KDM4B: variants seen among roughly 807,000 people sequenced by gnomAD.
The protein encoded by KDM4B is lysine demethylase 4B, also known as lysine-specific demethylase 4B.
KDM4B carries 32 observed loss-of-function variants against 125.2 expected under a neutral mutation model. The ratio of observed to expected loss-of-function variants is 0.26; its 90% CI spans 0.19 to 0.34. The LOEUF (loss-of-function observed/expected upper bound fraction) is 0.34, where lower values mean the gene tolerates loss of function less well. Among genes scored for constraint, KDM4B ranks in the 10% least tolerant of loss-of-function variants. KDM4B has a pLI of 1.00. For synonymous variants in KDM4B, 721 were observed against 677.9 expected, an observed-to-expected ratio of 1.06 and a Z score of -0.99; for missense variants, 1,190 against 1,577.7, an observed-to-expected ratio of 0.75 and a Z score of 4.16.
chr19:5,012,157 G>C (rs2035749133), intron 1 of KDM4B, among the ~76,000 whole-genome samples: 1 of 152,208 alleles, frequency 6.6e-6, no homozygotes, highest in Admixed American at 6.5e-5. Context: ...AGGGTTGACA[G>C]GCTGGGCCCG....
intron 5 of KDM4B, 66 bp downstream of exon 5, chr19:5,041,317 G>C: frequency 8.0e-7 from 1 of 1,247,330 alleles, no homozygotes; most frequent in Middle Eastern, 1.9e-4. Flanking sequence ...GGAGGGCCCT[G>C]AACGGGACTC....
At chr19:5,026,890 A>C (rs1226103187) in intron 2 of KDM4B, among the ~76,000 whole-genome samples, 1 of 152,186 alleles carries the variant, frequency 6.6e-6, no homozygotes, top group African/African-American at 2.4e-5. Context: ...CCCTTTCTGC[A>C]GCATTAGCTA....
intron 1 of KDM4B, among the ~76,000 whole-genome samples, chr19:4,974,292 C>T (rs2034366555): frequency 6.6e-6 from 1 of 151,472 alleles, no homozygotes; most frequent in Non-Finnish European, 1.5e-5. Context: ...GTCCCAGCTA[C>T]TCGGGAGGCT....
chr19:5,078,927 G>A lies in KDM4B; in HGVS notation c.780+1457G>A, dbSNP rs567337767. Reference sequence around the variant, plus strand: ...CAGTGAAGGCCCCTGTCCCACTGCAGCGAACAGCACCCTGTGCCGCCCGGC... The same window carrying A: ...CAGTGAAGGCCCCTGTCCCACTGCAACGAACAGCACCCTGTGCCGCCCGGC... On this transcript the variant is annotated intron_variant, in intron 8 of 22. Transcript: ENST00000159111. The surrounding 1 kb of genome is among the most constrained non-coding windows in gnomAD (Gnocchi z 4.5). 6.6e-6 allele frequency: 1 copy of A among 152,286 alleles called. No individual in the cohort carries two copies. Among genetic ancestry groups the A allele is most frequent in the Admixed American group, 6.5e-5 (1 of 15,292 alleles). 9.4% of individuals were successfully genotyped at this position (152,286 alleles called of 1,614,324 possible).
At chr19:5,132,084 C>T in intron 13 of KDM4B, 77 bp downstream of exon 13, 1 of 1,465,326 alleles carries the variant, frequency 6.8e-7, no homozygotes, top group Non-Finnish European at 9.1e-7. Flanking sequence ...GGGCCTGGCT[C>T]CCCTGCGGCT....
chr19:5,148,845 C>T (rs1007891888), intron 21 of KDM4B, among the ~76,000 whole-genome samples: 5 of 152,220 alleles, frequency 3.3e-5, no homozygotes, highest in African/African-American at 7.2e-5. Flanking sequence ...GGCCTTCTCC[C>T]GGTGGCTTTC....
chr19:4,987,555 T>A (rs574812594), intron 1 of KDM4B, among the ~76,000 whole-genome samples: 1 of 152,222 alleles, frequency 6.6e-6, no homozygotes, highest in Admixed American at 6.5e-5. Context: ...AGATGCTATT[T>A]GTGGTTTATG....
intron 1 of KDM4B, among the ~76,000 whole-genome samples, chr19:4,987,590 C>CTGA (rs1189625772): frequency 1.3e-5 from 2 of 152,114 alleles, no homozygotes; most frequent in African/African-American, 4.8e-5. Flanking sequence ...AGCTGTTAGG[C>CTGA]TGATACCCTT....
At chr19:5,120,474 C>G (rs1599227598) in intron 11 of KDM4B, among the ~76,000 whole-genome samples, 2 of 150,298 alleles carry the variant, frequency 1.3e-5, no homozygotes, top group East Asian at 4.2e-4. Context: ...CCTCGGGCCT[C>G]CCCACTCTCC....
chr19:5,065,608 C>T (rs965391432), intron 6 of KDM4B, among the ~76,000 whole-genome samples: 4 of 152,230 alleles, frequency 2.6e-5, no homozygotes, highest in Non-Finnish European at 4.4e-5. Context: ...GCATCCTCTG[C>T]GGTGGACAGA....
chr19:4,982,358 A>G (rs2034670514), intron 1 of KDM4B, among the ~76,000 whole-genome samples: 1 of 149,750 alleles, frequency 6.7e-6, no homozygotes, highest in Non-Finnish European at 1.5e-5. Context: ...AGGCTGAGGT[A>G]TAAGAATCTC....
In KDM4B at chr19:5,119,590, G is replaced by A. The variant is rs116589180; in HGVS notation, c.1116-63G>A. The A allele has an allele frequency of 2.3e-4, 330 of 1,457,674 alleles. 1 individual carries two copies. In the African/African-American group the frequency reaches 3.8e-3, roughly 17 times the overall value. 90.3% of individuals were successfully genotyped at this position (1,457,674 alleles called of 1,614,324 possible). A position where few individuals can be genotyped will look rare whatever the true frequency, so the allele number is the denominator to read the frequency against. ...GGGGCTGCGTGCTGCCGGACAGAGT[G>A]CACAGACCTAGGGCTCTTCCCTCCC... On this transcript the variant is annotated intron_variant, in intron 10 of 22. Coordinates refer to ENST00000159111, the MANE Select transcript of KDM4B (RefSeq NM_015015.3).
chr19:5,103,659 G>A (rs961811756), intron 9 of KDM4B, among the ~76,000 whole-genome samples: 1 of 152,224 alleles, frequency 6.6e-6, no homozygotes, highest in Non-Finnish European at 1.5e-5. Context: ...GCAGCTGGTC[G>A]AGCCTCCTGC....
intron 5 of KDM4B, among the ~76,000 whole-genome samples, chr19:5,046,627 C>T (rs1381721196): frequency 1.3e-5 from 2 of 152,192 alleles, no homozygotes; most frequent in Admixed American, 1.3e-4. Flanking sequence ...GCTCTTGGGA[C>T]AGGACGGGGT....
At chr19:5,036,274 G>T (rs1239929960) in intron 3 of KDM4B, among the ~76,000 whole-genome samples, 2 of 152,236 alleles carry the variant, frequency 1.3e-5, no homozygotes, top group Non-Finnish European at 2.9e-5. Context: ...ACTGTGTTTG[G>T]TTATACATCG....
chr19:4,988,421 G>A (rs909841522), intron 1 of KDM4B, among the ~76,000 whole-genome samples: 10 of 152,124 alleles, frequency 6.6e-5, no homozygotes, highest in Non-Finnish European at 1.3e-4. Context: ...GACTACAGGT[G>A]CCCGCCACCA....
In KDM4B at chr19:4,997,958, T is replaced by A. The variant is rs1326056940; in HGVS notation, c.-108-18299T>A. Among the ~76,000 whole-genome samples the A allele has an allele frequency of 6.6e-6, 1 of 152,278 alleles. No individual in the cohort carries two copies. Among genetic ancestry groups the A allele is most frequent in the Non-Finnish European group, 1.5e-5 (1 of 68,048 alleles). On this transcript the variant is annotated intron_variant, in intron 1 of 22. Coordinates refer to ENST00000159111, the MANE Select transcript of KDM4B (RefSeq NM_015015.3). This position sits in a 1 kb window ranked among gnomAD's most constrained non-coding sequence, Gnocchi z 4.2. ...TGAAATTACAAGGCAGGTTTGTAGA[T>A]GCATAGATTATTTAGTTAATGATTA... is the stretch of plus-strand genomic sequence containing the variant.
intron 2 of KDM4B, among the ~76,000 whole-genome samples, chr19:5,029,601 A>G (rs1172914657): frequency 2.6e-5 from 4 of 152,130 alleles, no homozygotes; most frequent in African/African-American, 9.7e-5. Context: ...CCAAGGCGGG[A>G]GGATCATTTC....
At chr19:5,088,223 G>A (rs577586118) in intron 9 of KDM4B, among the ~76,000 whole-genome samples, 15 of 152,334 alleles carry the variant, frequency 9.8e-5, no homozygotes, top group African/African-American at 3.6e-4. Context: ...CACACCTGCA[G>A]GGGCAGGGAG....
Sources: gnomAD v4.1 joint callset for allele counts (sites outside exome capture counted in the v4.1 genomes callset) on GRCh38, gnomAD v4.1.1 for gene constraint, Gnocchi (gnomAD v3.1) non-coding constraint, MANE v1.5 for transcripts, NCBI Gene and HGNC (gene_info 2026-07-23, HGNC 2026-07-21) for gene names.